PPFIBP1: variants seen among roughly 807,000 people sequenced by gnomAD.
PPFIBP1 encodes the protein liprin-beta-1.
Under a neutral mutation model 137.8 loss-of-function variants are expected in PPFIBP1, and 112 were observed. The observed-to-expected ratio is 0.81, with a 90% CI of 0.70 to 0.95. The LOEUF (loss-of-function observed/expected upper bound fraction) is 0.95, where lower values mean the gene tolerates loss of function less well. PPFIBP1 is among the 40% of genes least tolerant of loss of function. PPFIBP1 has a pLI of 0.00. For synonymous variants in PPFIBP1, 378 were observed against 417.3 expected, an observed-to-expected ratio of 0.91 and a Z score of 1.15; for missense variants, 1,083 against 1,196.6, an observed-to-expected ratio of 0.91 and a Z score of 1.40.
At chr12:27,539,747 A>G (rs1319979174) in intron 1 of PPFIBP1, among the ~76,000 whole-genome samples, 2 of 152,210 alleles carry the variant, frequency 1.3e-5, no homozygotes, top group East Asian at 1.9e-4. Context: ...CTTATAGAAA[A>G]TTTGAGTAAC....
At chr12:27,680,714 T>C (rs1285056501) in intron 21 of PPFIBP1, among the ~76,000 whole-genome samples, 2 of 152,344 alleles carry the variant, frequency 1.3e-5, no homozygotes, top group Non-Finnish European at 2.9e-5. Context: ...GCTCTGACAC[T>C]CTTAACCAAA....
In PPFIBP1 at chr12:27,689,252, G is replaced by A. The variant is rs376349564; in HGVS notation, c.2685+49G>A. The stretch of plus-strand genomic sequence containing the variant: ...AATAATTGCTTGGCGCAAAGGCAAC[G>A]TTTTGTCGGTTACCTGGTTATTCTG... On this transcript the variant is annotated intron_variant, in intron 27 of 29. Coordinates refer to ENST00000228425, the MANE Select transcript of PPFIBP1 (RefSeq NM_003622.4). The A allele has an allele frequency of 1.7e-5, 25 of 1,477,914 alleles. No homozygotes were observed. The African/African-American group carries it at 2.9e-4, about 17-fold the overall frequency. The allele number at this position is 1,477,914 out of a possible 1,614,324, so 91.6% of individuals were successfully genotyped here. A position where few individuals can be genotyped will look rare whatever the true frequency, so the allele number is the denominator to read the frequency against.
At chr12:27,666,109 AAG>A (rs1158794080) in intron 12 of PPFIBP1, among the ~76,000 whole-genome samples, 2 of 101,194 alleles carry the variant, frequency 2.0e-5, no homozygotes, top group Non-Finnish European at 4.2e-5. Flanking sequence ...TTGGAAAATA[AAG>A]AAAAGAGATA....
At chr12:27,525,239 A>G (rs2135663745) in intron 1 of PPFIBP1, among the ~76,000 whole-genome samples, 1 of 152,354 alleles carries the variant, frequency 6.6e-6, no homozygotes. Flanking sequence ...TGCGGAGAGC[A>G]ATAGAAAAAG....
chr12:27,659,470 G>T lies in PPFIBP1; in HGVS notation c.844+622G>T, dbSNP rs112139844. Among the ~76,000 whole-genome samples, 40 of 151,976 alleles carry T rather than the reference G, an allele frequency of 2.6e-4. 1 individual carries two copies. Among genetic ancestry groups the T allele is most frequent in the African/African-American group, 9.6e-4 (40 of 41,464 alleles). ...TACAAAAAAAAATTTAAAATTAGCT[G>T]AGCATGGTGGTGCATGCCTGTAGTC... On this transcript the variant is annotated intron_variant, in intron 10 of 29. Transcript: ENST00000228425.
intron 12 of PPFIBP1, among the ~76,000 whole-genome samples, chr12:27,665,810 A>G (rs576469310): frequency 2.0e-5 from 3 of 152,126 alleles, no homozygotes; most frequent in East Asian, 3.9e-4. Context: ...GAAAAAAAAA[A>G]TTTTGTACAC....
intron 1 of PPFIBP1, among the ~76,000 whole-genome samples, chr12:27,544,997 A>G (rs1332317078): frequency 6.6e-6 from 1 of 152,268 alleles, no homozygotes; most frequent in Non-Finnish European, 1.5e-5. Flanking sequence ...ATGCCCATCA[A>G]TGATAGACTA....
At chr12:27,689,809 G>A (rs1452317414) in intron 27 of PPFIBP1, among the ~76,000 whole-genome samples, 2 of 152,046 alleles carry the variant, frequency 1.3e-5, no homozygotes, top group Non-Finnish European at 2.9e-5. Context: ...CATTCCCGCC[G>A]CCCCAGGAAG....
At chr12:27,661,774 C>G (rs1341494574) in intron 11 of PPFIBP1, among the ~76,000 whole-genome samples, 1 of 152,182 alleles carries the variant, frequency 6.6e-6, no homozygotes, top group Non-Finnish European at 1.5e-5. Flanking sequence ...GTTTCTTTCT[C>G]TCATTCTTGA....
At chr12:27,546,098 G>A (rs1040674240) in intron 1 of PPFIBP1, among the ~76,000 whole-genome samples, 6 of 152,168 alleles carry the variant, frequency 3.9e-5, no homozygotes, top group Admixed American at 1.3e-4. Flanking sequence ...TTAATCTGTG[G>A]TATGAAGGTG....
intron 2 of PPFIBP1, among the ~76,000 whole-genome samples, chr12:27,612,328 G>GT (rs1173958726): frequency 0.032 from 2,794 of 87,166 alleles, 258 homozygotes; most frequent in African/African-American, 0.098. Flanking sequence ...CTTTATTGGT[G>GT]TTTTTTTTTT....
intron 6 of PPFIBP1, among the ~76,000 whole-genome samples, chr12:27,649,373 C>G (rs1411236383): frequency 2.0e-5 from 3 of 152,118 alleles, no homozygotes; most frequent in Admixed American, 6.5e-5. Context: ...GTATTTGTTA[C>G]AACCGGTGCC....
chr12:27,614,805 A>C (rs1341387507), intron 2 of PPFIBP1, among the ~76,000 whole-genome samples: 1 of 152,240 alleles, frequency 6.6e-6, no homozygotes, highest in East Asian at 1.9e-4. Flanking sequence ...AACCGGAATC[A>C]AAGATTCTTG....
intron 24 of PPFIBP1, among the ~76,000 whole-genome samples, chr12:27,682,970 T>C (rs2060967737): frequency 6.6e-6 from 1 of 152,236 alleles, no homozygotes; most frequent in African/African-American, 2.4e-5. Flanking sequence ...GAAGGTTGAT[T>C]TTATATGTAA....
intron 1 of PPFIBP1, among the ~76,000 whole-genome samples, chr12:27,551,361 A>G (rs1031393819): frequency 2.6e-5 from 4 of 152,160 alleles, no homozygotes; most frequent in South Asian, 2.1e-4. Context: ...TGGTTGCCCT[A>G]TGTTACTGAC....
chr12:27,596,110 A>ACACAC (rs1565839006), intron 2 of PPFIBP1, among the ~76,000 whole-genome samples: 1 of 32,694 alleles, frequency 3.1e-5, no homozygotes, highest in South Asian at 6.9e-4. Flanking sequence ...ACACACACAT[A>ACACAC]TGCTTACAAA....
At chr12:27,681,415 A>T in intron 21 of PPFIBP1, 131 bp from the exon 22 acceptor site, 1 of 1,005,578 alleles carries the variant, frequency 9.9e-7, no homozygotes, top group Non-Finnish European at 1.5e-6. Flanking sequence ...CTAAAAATTA[A>T]GCTTTTCATG....
intron 3 of PPFIBP1, among the ~76,000 whole-genome samples, chr12:27,634,659 T>C (rs1435153201): frequency 6.6e-6 from 1 of 152,198 alleles, no homozygotes; most frequent in Non-Finnish European, 1.5e-5. Flanking sequence ...CCCACCAGGC[T>C]CTTTTTCTTT....
rs2059902276 is a variant in PPFIBP1, at chr12:27,667,042, ACT to A, written c.992-121_992-120del. On this transcript the variant is annotated intron_variant, in intron 12 of 29. Transcript: ENST00000228425. ...TTTCAAGGGCTGCCAGGAGAAGCTGACTCTGATTTTTGAGGATCAGAAAAAAT... is the reference window on the plus strand; with the variant it reads ...TTTCAAGGGCTGCCAGGAGAAGCTGACTGATTTTTGAGGATCAGAAAAAAT... The A allele has an allele frequency of 6.1e-6, 6 of 983,464 alleles. No homozygotes were observed. The South Asian group carries it at 1.1e-4, about 17-fold the overall frequency. The allele number at this position is 983,464 out of a possible 1,614,324, so 60.9% of individuals were successfully genotyped here. A position where few individuals can be genotyped will look rare whatever the true frequency, so the allele number is the denominator to read the frequency against.
Sources: allele counts gnomAD v4.1 joint callset (sites outside exome capture counted in the v4.1 genomes callset), GRCh38; gene constraint gnomAD v4.1.1; transcripts MANE v1.5; gene names NCBI Gene and HGNC (gene_info 2026-07-23, HGNC 2026-07-21).